The following TSPAN18 variants were observed in gnomAD, a reference collection of about 807,000 sequenced individuals.
The protein encoded by TSPAN18 is tetraspanin 18, also known as tetraspanin-18.
TSPAN18 carries 14 observed loss-of-function variants against 27.3 expected under a neutral mutation model. That is an observed-to-expected ratio of 0.51 (90% CI 0.34 to 0.80). TSPAN18 has a LOEUF of 0.80. TSPAN18 is among the 30% of genes least tolerant of loss of function. The pLI, the probability that TSPAN18 is intolerant of heterozygous loss-of-function variation, is 0.01. For missense variants in TSPAN18, 268 were observed against 323.9 expected (o/e 0.83, Z 1.32); for synonymous variants, 143 against 136.5 (o/e 1.05, Z -0.33).
intron 2 of TSPAN18, among the ~76,000 whole-genome samples, chr11:44,790,428 T>C (rs893886284): frequency 6.6e-6 from 1 of 150,962 alleles, no homozygotes; most frequent in Non-Finnish European, 1.5e-5. Flanking sequence ...TGTGTGCATG[T>C]GTGTGTACAT....
chr11:44,931,050 A>G lies in TSPAN18; in HGVS notation c.*1872A>G, dbSNP rs1055074415. The G allele has an allele frequency of 7.0e-6, 3 of 430,120 alleles. No homozygotes were observed. Among genetic ancestry groups the G allele is most frequent in the South Asian group, 3.3e-5 (2 of 59,742 alleles). 26.6% of individuals were successfully genotyped at this position (430,120 alleles called of 1,614,324 possible). A position where few individuals can be genotyped will look rare whatever the true frequency, so the allele number is the denominator to read the frequency against. ...GTGCCTGCTGCAAAGATTCAGGTGG[A>G]CCCTCCTCTAATCTCCTCCTGCTGT... On this transcript the variant is annotated 3_prime_UTR_variant, in exon 10 of 10. Transcript: ENST00000520358.
intron 2 of TSPAN18, among the ~76,000 whole-genome samples, chr11:44,802,609 G>GCA (rs3222524): frequency 0.22 from 31,477 of 142,524 alleles, 3,432 homozygotes; most frequent in South Asian, 0.35. Flanking sequence ...GGGAAGCACT[G>GCA]CACACACACA....
At chr11:44,914,036 A>G (rs940865639) in intron 5 of TSPAN18, among the ~76,000 whole-genome samples, 18 of 152,374 alleles carry the variant, frequency 1.2e-4, no homozygotes, top group African/African-American at 3.1e-4. Flanking sequence ...ACACTCCCAC[A>G]TACTCAAGTC....
intron 3 of TSPAN18, among the ~76,000 whole-genome samples, chr11:44,882,577 C>G (rs985408583): frequency 2.2e-5 from 3 of 135,000 alleles, no homozygotes; most frequent in Non-Finnish European, 4.8e-5. Flanking sequence ...AGGAAATGGT[C>G]AGAGAGAGAG....
chr11:44,859,787 A>G (rs1410321904), intron 2 of TSPAN18: 1 of 152,170 alleles, frequency 6.6e-6, no homozygotes, highest in Non-Finnish European at 1.5e-5. Flanking sequence ...AGAGACCCAG[A>G]GTTTAGGCCT....
chr11:44,850,079 GAGA>G (rs1439456057), intron 2 of TSPAN18, among the ~76,000 whole-genome samples: 1 of 152,152 alleles, frequency 6.6e-6, no homozygotes, highest in Non-Finnish European at 1.5e-5. Context: ...AGGACCAACA[GAGA>G]AGAAGGCCAT....
At chr11:44,779,711 C>A (rs535122269) in intron 2 of TSPAN18, among the ~76,000 whole-genome samples, 1 of 152,178 alleles carries the variant, frequency 6.6e-6, no homozygotes, top group African/African-American at 2.4e-5. Flanking sequence ...CATACCGGTG[C>A]ATATCTACAT....
rs114986642 is a variant in TSPAN18 at position 44,844,385 on chromosome 11, T to C, written c.-152-15943T>C. ...TTGGGTGTATAACTGGGAGTTGAAA[T>C]GCTGTGTCTTGTGTTTAGCTTTAAT... On this transcript the variant is annotated intron_variant, in intron 2 of 9. Transcript: ENST00000520358. Among the ~76,000 whole-genome samples the C allele has an allele frequency of 7.1e-3, 1,085 of 152,306 alleles. 16 individuals carry two copies. Among genetic ancestry groups the C allele is most frequent in the African/African-American group, 0.025 (1,020 of 41,566 alleles).
Position 44,931,034 on chromosome 11 carries a change from G to A in TSPAN18, c.*1856G>A, listed in dbSNP as rs1233928275. On this transcript the variant is annotated 3_prime_UTR_variant, in exon 10 of 10. Coordinates refer to ENST00000520358, the MANE Select transcript of TSPAN18 (RefSeq NM_130783.5). ...TGCAGCCAGAAGCTCTGTGCCTGCT[G>A]CAAAGATTCAGGTGGACCCTCCTCT... The A allele has an allele frequency of 2.2e-6, 1 of 453,398 alleles. No individual in the cohort carries two copies. The allele number at this position is 453,398 out of a possible 1,614,324, so 28.1% of individuals were successfully genotyped here. A position where few individuals can be genotyped will look rare whatever the true frequency, so the allele number is the denominator to read the frequency against.
At chr11:44,793,196 G>A (rs532397114) in intron 2 of TSPAN18, among the ~76,000 whole-genome samples, 1 of 152,256 alleles carries the variant, frequency 6.6e-6, no homozygotes, top group African/African-American at 2.4e-5. Flanking sequence ...GTGCCACCAC[G>A]CCCACCTATT....
chr11:44,828,882 C>G (rs1177072222), intron 2 of TSPAN18, among the ~76,000 whole-genome samples: 2 of 152,192 alleles, frequency 1.3e-5, no homozygotes, highest in Non-Finnish European at 2.9e-5. Flanking sequence ...TGAATCTACC[C>G]TCTTCTCTCC....
At chr11:44,816,477 A>T (rs1371240311) in intron 2 of TSPAN18, among the ~76,000 whole-genome samples, 1 of 152,212 alleles carries the variant, frequency 6.6e-6, no homozygotes, top group Non-Finnish European at 1.5e-5. Flanking sequence ...CTGATGTGTG[A>T]TGCTGCCTCT....
intron 1 of TSPAN18, among the ~76,000 whole-genome samples, chr11:44,728,500 T>C (rs1321474217): frequency 1.3e-5 from 2 of 151,936 alleles, no homozygotes; most frequent in African/African-American, 4.8e-5. Flanking sequence ...ATCCTCTCTC[T>C]GGGCACAAGT....
At chr11:44,763,218 G>A (rs1035208452) in intron 1 of TSPAN18, among the ~76,000 whole-genome samples, 2 of 152,218 alleles carry the variant, frequency 1.3e-5, no homozygotes, top group African/African-American at 4.8e-5. Flanking sequence ...GGCAGGAGGA[G>A]CCTGGGAGGG....
chr11:44,743,258 G>A (rs376536427), intron 1 of TSPAN18, among the ~76,000 whole-genome samples: 16 of 152,290 alleles, frequency 1.1e-4, no homozygotes, highest in South Asian at 2.1e-4. Flanking sequence ...CAAGGTTTGC[G>A]TCAGGAAAAG....
At chr11:44,756,139 C>A (rs558984829) in intron 1 of TSPAN18, among the ~76,000 whole-genome samples, 1 of 152,108 alleles carries the variant, frequency 6.6e-6, no homozygotes, top group Non-Finnish European at 1.5e-5. Context: ...CTCTGAAATC[C>A]GACTGACTTG....
rs1565009224 is a variant in TSPAN18, at chr11:44,919,295, A to G, written c.415A>G (p.Asn139Asp). ...CACAGACGTCTTCTCTGCCACCTGG[A>G]ACTCGGTCATGATCACAGTGAGTGA... Reference protein sequence around the residue: ...NDTDVFSATWNSVMITFGCCG... With the variant: ...NDTDVFSATWDSVMITFGCCG... The change falls in exon 7 of 10, where the codon AAC becomes GAC. Residue 139 changes from asparagine to aspartate, a missense_variant. Asn to Asp is a conservative substitution (Grantham distance 23). Transcript: ENST00000520358. The G allele has an allele frequency of 6.2e-7, 1 of 1,614,008 alleles. No homozygotes were observed. Among genetic ancestry groups the G allele is most frequent in the East Asian group, 2.2e-5 (1 of 44,874 alleles).
chr11:44,751,600 G>A (rs1376128698), intron 1 of TSPAN18, among the ~76,000 whole-genome samples: 1 of 152,042 alleles, frequency 6.6e-6, no homozygotes, highest in Non-Finnish European at 1.5e-5. Flanking sequence ...AAATAATAAT[G>A]TTTATCACTT....
intron 6 of TSPAN18, among the ~76,000 whole-genome samples, chr11:44,918,443 C>T (rs1376632758): frequency 6.6e-6 from 1 of 152,094 alleles, no homozygotes; most frequent in Non-Finnish European, 1.5e-5. Flanking sequence ...ACCTTGGCCC[C>T]ACAAGCCACC....
Sources: gnomAD v4.1 joint callset for allele counts (sites outside exome capture counted in the v4.1 genomes callset) on GRCh38, gnomAD v4.1.1 for gene constraint, MANE v1.5 for transcripts, NCBI Gene and HGNC (gene_info 2026-07-23, HGNC 2026-07-21) for gene names.